The following DNAH11 variants were observed in gnomAD, a reference collection of about 807,000 sequenced individuals.
DNAH11 encodes axonemal beta dynein heavy chain 11.
Under a neutral mutation model 526.0 loss-of-function variants are expected in DNAH11, and 442 were observed. The ratio of observed to expected loss-of-function variants is 0.84; its 90% CI spans 0.78 to 0.91. The LOEUF is 0.91. DNAH11 is among the 40% of genes least tolerant of loss of function. DNAH11 has a pLI of 0.00. For missense variants in DNAH11, 6,989 were observed against 5,448.7 expected (o/e 1.28, Z -8.90); for synonymous variants, 2,461 against 1,935.9 (o/e 1.27, Z -7.12).
intron 46 of DNAH11, among the ~76,000 whole-genome samples, chr7:21,737,705 G>C (rs1192291968): frequency 6.6e-6 from 1 of 152,146 alleles, no homozygotes; most frequent in African/African-American, 2.4e-5. Flanking sequence ...AGGAGAGAGA[G>C]ACTACTGGAG....
rs758127071 is a variant in DNAH11, at chr7:21,564,176, T to C, written c.983-10T>C. On this transcript the variant is annotated splice_polypyrimidine_tract_variant and intron_variant, in intron 5 of 81. Coordinates refer to ENST00000409508, the MANE Select transcript of DNAH11 (RefSeq NM_001277115.2). ...CCAGAATCACGTTAATGGTGGTTCT[T>C]TGCTTTCAGCTCTTCTCGAAGCCCA... is the stretch of plus-strand genomic sequence containing the variant. The C allele has an allele frequency of 6.5e-7, 1 of 1,550,360 alleles. No homozygotes were observed. The highest frequency in any genetic ancestry group is 2.1e-5 in the Admixed American group (1 of 48,020).
chr7:21,570,371 C>G (rs1186310406), intron 7 of DNAH11, 72 bp downstream of exon 7: 1 of 1,242,318 alleles, frequency 8.0e-7, no homozygotes, highest in Non-Finnish European at 1.1e-6. Flanking sequence ...TCACATGATT[C>G]ATGGAACAGT....
chr7:21,598,848 C>G (rs1211669725), intron 14 of DNAH11, among the ~76,000 whole-genome samples: 1 of 152,148 alleles, frequency 6.6e-6, no homozygotes, highest in Non-Finnish European at 1.5e-5. Flanking sequence ...ATTTGGTTTT[C>G]TGCTCCTGCA....
chr7:21,886,413 C>T (rs1400420785), intron 76 of DNAH11, among the ~76,000 whole-genome samples: 1 of 152,070 alleles, frequency 6.6e-6, no homozygotes, highest in Non-Finnish European at 1.5e-5. Context: ...GGAGACAGTG[C>T]AAAAAATGCA....
At chr7:21,591,962 A>C (rs1784702715) in intron 14 of DNAH11, among the ~76,000 whole-genome samples, 1 of 152,206 alleles carries the variant, frequency 6.6e-6, no homozygotes, top group Non-Finnish European at 1.5e-5. Context: ...CCATCTCCTA[A>C]GGGTGGCAAC....
intron 17 of DNAH11, 105 bp downstream of exon 17, chr7:21,601,284 T>C (rs1344966161): frequency 1.0e-5 from 15 of 1,444,054 alleles, no homozygotes; most frequent in Non-Finnish European, 1.4e-5. Context: ...ATGATAGAGA[T>C]AAATGTTTAA....
intron 53 of DNAH11, among the ~76,000 whole-genome samples, 160 bp downstream of exon 53, chr7:21,749,961 T>A (rs1200484956): frequency 1.3e-5 from 2 of 152,218 alleles, no homozygotes; most frequent in African/African-American, 4.8e-5. Context: ...TATTGCTTTC[T>A]TAGTCTGTTT....
intron 7 of DNAH11, among the ~76,000 whole-genome samples, chr7:21,571,307 G>T (rs1783879108): frequency 6.6e-6 from 1 of 152,076 alleles, no homozygotes; most frequent in African/African-American, 2.4e-5. Flanking sequence ...TAGAGACAGG[G>T]TCTCATTCTG....
At chr7:21,762,259 C>T (rs888223655) in intron 54 of DNAH11, among the ~76,000 whole-genome samples, 13 of 152,098 alleles carry the variant, frequency 8.5e-5, no homozygotes, top group Admixed American at 4.6e-4. Context: ...TCAGGGAAAG[C>T]ATTTTTGCCT....
intron 29 of DNAH11, among the ~76,000 whole-genome samples, chr7:21,658,154 AT>A (rs1010196743): frequency 6.6e-6 from 1 of 151,344 alleles, no homozygotes; most frequent in South Asian, 2.1e-4. Context: ...CTAAGCTTCA[AT>A]TTTTTAAAAA....
chr7:21,583,233 A>G (rs1430317193), intron 9 of DNAH11, among the ~76,000 whole-genome samples: 1 of 152,210 alleles, frequency 6.6e-6, no homozygotes, highest in African/African-American at 2.4e-5. Context: ...TGGTACCAAA[A>G]CAGATTGTAG....
chr7:21,732,151 A>T (rs2128487900), intron 45 of DNAH11, among the ~76,000 whole-genome samples: 1 of 152,310 alleles, frequency 6.6e-6, no homozygotes, highest in Non-Finnish European at 1.5e-5. Flanking sequence ...CTTCAACCAC[A>T]GAAGTTTCTT....
At chr7:21,805,757 A>G (rs1789237165) in intron 62 of DNAH11, among the ~76,000 whole-genome samples, 1 of 152,216 alleles carries the variant, frequency 6.6e-6, no homozygotes, top group Non-Finnish European at 1.5e-5. Flanking sequence ...TAGACAAGGA[A>G]GGGAAAAGAA....
At chr7:21,840,915 C>T (rs566538064) in intron 65 of DNAH11, among the ~76,000 whole-genome samples, 1 of 152,266 alleles carries the variant, frequency 6.6e-6, no homozygotes, top group South Asian at 2.1e-4. Context: ...GGTGAGGTGC[C>T]TCACACCTGT....
intron 48 of DNAH11, among the ~76,000 whole-genome samples, chr7:21,740,555 C>A (rs1487197203): frequency 4.6e-5 from 7 of 152,004 alleles, no homozygotes; most frequent in Admixed American, 6.6e-5. Context: ...TGCAGAATTT[C>A]TTTCCTATGT....
chr7:21,599,822 G>C lies in DNAH11; in HGVS notation c.2703G>C (p.Leu901=), dbSNP rs753367919. 6 of 1,592,114 alleles carry C rather than the reference G, an allele frequency of 3.8e-6. 1 individual carries two copies. In the Middle Eastern group the frequency reaches 5.0e-4, roughly 133 times the overall value. Residue 901 remains leucine (L), a synonymous_variant, in exon 15 of 82, where the codon CTG becomes CTC. Coordinates refer to ENST00000409508, the MANE Select transcript of DNAH11 (RefSeq NM_001277115.2). ...AGCTCTTCAAAGCCAATCCCTCTCT[G>C]GATACCTGGAAAATTTATGTAGAAT... ...NRKLFKANPS[L]DTWKIYVEFI...
intron 65 of DNAH11, among the ~76,000 whole-genome samples, chr7:21,838,225 AACAAGATTATCCTGTGAT>A (rs1223123997): frequency 2.0e-5 from 3 of 152,232 alleles, no homozygotes; most frequent in Non-Finnish European, 4.4e-5. Context: ...GTCCTTATCA[AACAAGATTATCCTGTGAT>A]ACACATTGCT....
rs772436494 is a variant in DNAH11, at chr7:21,854,440, C to T, written c.11187C>T (p.Tyr3729=). The change falls in exon 68 of 82, where the codon TAC becomes TAT. Residue 3729 remains tyrosine (Y), a synonymous_variant. Coordinates refer to ENST00000409508, the MANE Select transcript of DNAH11 (RefSeq NM_001277115.2). The part of the protein sequence containing the change: ...INDLQKINPL[Y]QFSLKAFNVL... ...ACCTCCAAAAAATCAACCCCCTCTACCAATTCTCTTTGAAGGTAATGCTGA... is the reference window on the plus strand; with the variant it reads ...ACCTCCAAAAAATCAACCCCCTCTATCAATTCTCTTTGAAGGTAATGCTGA... 16 of 1,613,590 alleles carry T rather than the reference C, an allele frequency of 9.9e-6. No homozygotes were observed. Among genetic ancestry groups the T allele is most frequent in the Non-Finnish European group, 1.2e-5 (14 of 1,179,774 alleles).
chr7:21,893,885 A>G (rs1055358894), intron 77 of DNAH11, among the ~76,000 whole-genome samples: 1 of 152,138 alleles, frequency 6.6e-6, no homozygotes, highest in Non-Finnish European at 1.5e-5. Flanking sequence ...TGTGACTTTT[A>G]TTCTATTTTA....
Sources: allele counts gnomAD v4.1 joint callset (sites outside exome capture counted in the v4.1 genomes callset), GRCh38; gene constraint gnomAD v4.1.1; transcripts MANE v1.5; gene names NCBI Gene and HGNC (gene_info 2026-07-23, HGNC 2026-07-21).